Variants in NVL observed in about 807,000 individuals in gnomAD.
The protein encoded by NVL is nuclear valosin-containing protein-like.
In NVL, 84 loss-of-function variants were observed where a neutral mutation model predicts 110.2. That is an observed-to-expected ratio of 0.76 (90% CI 0.64 to 0.91). The LOEUF (loss-of-function observed/expected upper bound fraction) is 0.91, where lower values mean the gene tolerates loss of function less well. Among genes scored for constraint, NVL ranks in the 40% least tolerant of loss-of-function variants. The pLI is 0.00. For missense variants in NVL, 882 were observed against 1,035.9 expected (o/e 0.85, Z 2.04); for synonymous variants, 354 against 361.1 (o/e 0.98, Z 0.22).
intron 16 of NVL, among the ~76,000 whole-genome samples, chr1:224,278,754 A>G (rs1187394548): frequency 6.6e-6 from 1 of 150,880 alleles, no homozygotes; most frequent in Non-Finnish European, 1.5e-5. Context: ...TTTTTTTGAG[A>G]CAGGATGTTG....
At chr1:224,271,350 G>A (rs565911065) in intron 17 of NVL, among the ~76,000 whole-genome samples, 2 of 152,104 alleles carry the variant, frequency 1.3e-5, no homozygotes, top group South Asian at 2.1e-4. Context: ...TTAGCTGGGT[G>A]TGGTGGTGCA....
intron 22 of NVL, among the ~76,000 whole-genome samples, chr1:224,228,946 A>AAG (rs71168397): frequency 2.0e-5 from 3 of 149,314 alleles, no homozygotes; most frequent in Non-Finnish European, 4.5e-5. Flanking sequence ...AAAAAAAAAA[A>AAG]GAAATTGCCA....
chr1:224,231,364 C>G, intron 21 of NVL, 68 bp from the exon 22 acceptor site: 1 of 1,274,272 alleles, frequency 7.8e-7, no homozygotes, highest in Non-Finnish European at 1.1e-6. Flanking sequence ...ACTTAACTTC[C>G]TTTGAAAGAC....
chr1:224,329,477 GTA>G (rs1671472444), intron 1 of NVL, among the ~76,000 whole-genome samples: 1 of 152,116 alleles, frequency 6.6e-6, no homozygotes, highest in Non-Finnish European at 1.5e-5. Context: ...AGGAGAATGT[GTA>G]GCTCACAAAT....
intron 20 of NVL, among the ~76,000 whole-genome samples, chr1:224,235,749 C>T (rs548906320): frequency 1.1e-4 from 17 of 151,834 alleles, no homozygotes; most frequent in African/African-American, 3.9e-4. Flanking sequence ...GGCAATATGG[C>T]GAGACCCTAA....
intron 19 of NVL, among the ~76,000 whole-genome samples, chr1:224,245,813 C>T (rs113877573): frequency 0.019 from 2,845 of 150,992 alleles, 82 homozygotes; most frequent in African/African-American, 0.061. Flanking sequence ...ATTAGCCGGG[C>T]GTGGTAGCAC....
At chr1:224,239,123 C>T (rs10916543) in intron 19 of NVL, among the ~76,000 whole-genome samples, 131,761 of 152,094 alleles carry the variant, frequency 0.87, 57,390 homozygotes, top group South Asian at 0.9. Flanking sequence ...TTTTTAATTT[C>T]TTTCTTGAAT....
chr1:224,269,305 C>G (rs1204481554), intron 17 of NVL, among the ~76,000 whole-genome samples: 1 of 151,468 alleles, frequency 6.6e-6, no homozygotes, highest in South Asian at 2.1e-4. Flanking sequence ...AGGCTAGTCT[C>G]GAACCCCTGA....
chr1:224,317,143 GAAAAA>G lies in NVL; in HGVS notation c.284+546_284+550del, dbSNP rs1237165279. On this transcript the variant is annotated intron_variant, in intron 4 of 22. Transcript: ENST00000281701. Reference sequence around the variant, plus strand: ...GACAGAGTGAGACTTAATCTCAAAAGAAAAAAAAAAAAAAAAGTAGAGCTTACTGA... The same window carrying G: ...GACAGAGTGAGACTTAATCTCAAAAGAAAAAAAAAAAGTAGAGCTTACTGA... 5.7e-5 allele frequency among the ~76,000 whole-genome samples: 4 copies of G among 69,884 alleles called. No individual in the cohort carries two copies. In the Admixed American group the frequency reaches 6.2e-4, roughly 11 times the overall value. 45.8% of individuals were successfully genotyped at this position (69,884 alleles called of 152,430 possible).
chr1:224,232,479 C>T (rs12083770), intron 21 of NVL, among the ~76,000 whole-genome samples: 5,823 of 152,216 alleles, frequency 0.038, 138 homozygotes, highest in African/African-American at 0.048. Context: ...TGGGCCTCAC[C>T]CTCCCAAGTA....
chr1:224,329,466 AAGG>A (rs1671468758), intron 1 of NVL, among the ~76,000 whole-genome samples: 1 of 152,166 alleles, frequency 6.6e-6, no homozygotes, highest in Non-Finnish European at 1.5e-5. Context: ...AAAGAAAAAC[AAGG>A]AGAATGTGTA....
intron 11 of NVL, among the ~76,000 whole-genome samples, chr1:224,296,147 G>C (rs1667865683): frequency 6.6e-6 from 1 of 151,826 alleles, no homozygotes; most frequent in Non-Finnish European, 1.5e-5. Flanking sequence ...CAATCAATCA[G>C]TCCATCAATC....
intron 17 of NVL, among the ~76,000 whole-genome samples, chr1:224,271,016 C>T (rs1224671240): frequency 6.6e-6 from 1 of 152,150 alleles, no homozygotes; most frequent in African/African-American, 2.4e-5. Context: ...CATATAGTCC[C>T]ATCACAGGTG....
chr1:224,236,339 T>A (rs542948642), intron 20 of NVL, among the ~76,000 whole-genome samples, 167 bp downstream of exon 20: 1 of 152,360 alleles, frequency 6.6e-6, no homozygotes, highest in Admixed American at 6.5e-5. Context: ...CCTCCAAATG[T>A]GCAGTCTCTT....
chr1:224,281,360 G>A (rs1020281524), intron 15 of NVL, among the ~76,000 whole-genome samples, 175 bp from the exon 16 acceptor site: 7 of 151,552 alleles, frequency 4.6e-5, no homozygotes, highest in Admixed American at 3.3e-4. Flanking sequence ...AAGTGCAGTG[G>A]CGCGATCTCG....
At chr1:224,296,893 CT>C (rs1667935282) in intron 10 of NVL, among the ~76,000 whole-genome samples, 1 of 152,010 alleles carries the variant, frequency 6.6e-6, no homozygotes, top group South Asian at 2.1e-4. Context: ...TACTGAAATT[CT>C]TTTGTAAATT....
chr1:224,295,931 C>T (rs957689049), intron 11 of NVL, among the ~76,000 whole-genome samples: 12 of 140,882 alleles, frequency 8.5e-5, no homozygotes, highest in Non-Finnish European at 1.5e-4. Flanking sequence ...TGCCAGTGCA[C>T]TCAAGCCTAG....
intron 19 of NVL, among the ~76,000 whole-genome samples, chr1:224,241,702 A>G (rs1661210623): frequency 6.6e-6 from 1 of 151,970 alleles, no homozygotes; most frequent in South Asian, 2.1e-4. Context: ...CTAAAAATAC[A>G]AAACTTAGCC....
At chr1:224,277,407 T>C (rs1444629401) in intron 16 of NVL, among the ~76,000 whole-genome samples, 5 of 152,148 alleles carry the variant, frequency 3.3e-5, no homozygotes, top group Non-Finnish European at 5.9e-5. Flanking sequence ...AAAGAAGGCA[T>C]ATCAGGGGGC....
Sources: allele counts gnomAD v4.1 joint callset (sites outside exome capture counted in the v4.1 genomes callset), GRCh38; gene constraint gnomAD v4.1.1; transcripts MANE v1.5; gene names NCBI Gene and HGNC (gene_info 2026-07-23, HGNC 2026-07-21).